The following PRPSAP2 variants were observed in gnomAD, a reference collection of about 807,000 sequenced individuals.
PRPSAP2 encodes phosphoribosyl pyrophosphate synthetase associated protein 2, also known as phosphoribosyl pyrophosphate synthase-associated protein 2.
Under a neutral mutation model 40.6 loss-of-function variants are expected in PRPSAP2, and 24 were observed. That is an observed-to-expected ratio of 0.59 (90% CI 0.43 to 0.83). The LOEUF (loss-of-function observed/expected upper bound fraction) is 0.83. Ranked by LOEUF, PRPSAP2 falls within the 40% of genes least tolerant of loss-of-function variation. The pLI is 0.00. For synonymous variants in PRPSAP2, 149 were observed against 164.7 expected (o/e 0.90, Z 0.73); for missense variants, 292 against 465.6 (o/e 0.63, Z 3.43).
chr17:18,871,717 A>G (rs1251897765), intron 4 of PRPSAP2, among the ~76,000 whole-genome samples: 2 of 148,904 alleles, frequency 1.3e-5, no homozygotes, highest in South Asian at 4.3e-4. Flanking sequence ...CTGGAGTGCA[A>G]TGGCACAATC....
chr17:18,908,537 C>T lies in PRPSAP2; in HGVS notation c.585-2566C>T, dbSNP rs1387012505. Reference sequence around the variant, plus strand: ...GAAAGGGACCATCTGCCTCCTCATGCGGAGGGACAAGACCCTGAAGATCTG... The same window carrying T: ...GAAAGGGACCATCTGCCTCCTCATGTGGAGGGACAAGACCCTGAAGATCTG... On this transcript the variant is annotated intron_variant, in intron 8 of 11. Transcript: ENST00000268835. The T allele has an allele frequency of 7.2e-5, 54 of 750,482 alleles. 1 individual carries two copies. The highest frequency in any genetic ancestry group is 1.5e-4 in the South Asian group (11 of 70,974). 46.5% of individuals were successfully genotyped at this position (750,482 alleles called of 1,614,324 possible). A position where few individuals can be genotyped will look rare whatever the true frequency, so the allele number is the denominator to read the frequency against.
chr17:18,930,438 G>A, intron 11 of PRPSAP2, 102 bp from the exon 12 acceptor site: 1 of 1,124,996 alleles, frequency 8.9e-7, no homozygotes, highest in Admixed American at 2.3e-5. Flanking sequence ...GTGTTTTCCT[G>A]TCGTGGCAAG....
chr17:18,909,565 GT>G (rs1567731453), intron 8 of PRPSAP2, among the ~76,000 whole-genome samples: 1 of 151,898 alleles, frequency 6.6e-6, no homozygotes, highest in Admixed American at 6.6e-5. Context: ...TTTATAAAGA[GT>G]TAAATATACA....
At chr17:18,869,676 ATT>A (rs35312271) in intron 4 of PRPSAP2, among the ~76,000 whole-genome samples, 8 of 138,034 alleles carry the variant, frequency 5.8e-5, no homozygotes, top group Non-Finnish European at 7.9e-5. Flanking sequence ...CCCAGCCATA[ATT>A]TTTTTTTTTT....
chr17:18,876,404 CTT>C (rs1383015684), intron 5 of PRPSAP2, among the ~76,000 whole-genome samples: 2 of 152,164 alleles, frequency 1.3e-5, no homozygotes, highest in Non-Finnish European at 1.5e-5. Context: ...GTGAAAGTCT[CTT>C]TTAACTCATC....
rs540438519 is a variant in PRPSAP2 at position 18,862,362 on chromosome 17, C to T, written c.-128-3107C>T. Among the ~76,000 whole-genome samples, 11 of 152,252 alleles carry T rather than the reference C, an allele frequency of 7.2e-5. No individual in the cohort carries two copies. The East Asian group carries it at 1.7e-3, about 24-fold the overall frequency. On this transcript the variant is annotated intron_variant, in intron 1 of 11. Transcript: ENST00000268835. ...AACTACCTCTAAGATCTCTTCCTAC[C>T]TCTAAAATACTTTCATTCTAAGTGT...
At chr17:18,909,922 A>G (rs1204658867) in intron 8 of PRPSAP2, among the ~76,000 whole-genome samples, 3 of 152,122 alleles carry the variant, frequency 2.0e-5, no homozygotes, top group Non-Finnish European at 1.5e-5. Context: ...GAAAGAAAGC[A>G]TGTGCCCATA....
intron 8 of PRPSAP2, chr17:18,908,770 C>T (rs1033716738): frequency 2.6e-5 from 18 of 704,856 alleles, no homozygotes; most frequent in African/African-American, 4.0e-5. Flanking sequence ...AAGAAAGGAT[C>T]GGGCAAAAAC....
chr17:18,928,545 A>G (rs1224444498), intron 10 of PRPSAP2: 1 of 439,004 alleles, frequency 2.3e-6, no homozygotes, highest in Non-Finnish European at 4.3e-6. Flanking sequence ...GGTGCAGAAA[A>G]CAGTGCTACC....
intron 8 of PRPSAP2, among the ~76,000 whole-genome samples, chr17:18,901,058 C>T (rs1454962900): frequency 6.6e-6 from 1 of 152,180 alleles, no homozygotes; most frequent in East Asian, 1.9e-4. Flanking sequence ...AGTACAGGCT[C>T]ACCCCTCAAC....
chr17:18,901,522 G>A (rs2040266753), intron 8 of PRPSAP2, among the ~76,000 whole-genome samples: 1 of 152,138 alleles, frequency 6.6e-6, no homozygotes, highest in Non-Finnish European at 1.5e-5. Flanking sequence ...TGGGACTACA[G>A]GCGTCTGCCA....
At chr17:18,891,624 T>G (rs971106997) in intron 8 of PRPSAP2, among the ~76,000 whole-genome samples, 1 of 152,242 alleles carries the variant, frequency 6.6e-6, no homozygotes, top group Non-Finnish European at 1.5e-5. Context: ...AAGTATAGAA[T>G]TCACTGGCAT....
chr17:18,916,865 C>A (rs1476903500), intron 9 of PRPSAP2, among the ~76,000 whole-genome samples: 1 of 152,192 alleles, frequency 6.6e-6, no homozygotes, highest in Non-Finnish European at 1.5e-5. Context: ...GGGCACTAAT[C>A]CTGTTCATGA....
chr17:18,883,281 A>G (rs2038891817), intron 7 of PRPSAP2, among the ~76,000 whole-genome samples: 1 of 152,120 alleles, frequency 6.6e-6, no homozygotes, highest in African/African-American at 2.4e-5. Flanking sequence ...TTTAATTTTA[A>G]TATAGCTACA....
At chr17:18,868,070 A>T (rs867591719) in intron 4 of PRPSAP2, among the ~76,000 whole-genome samples, 19 of 152,164 alleles carry the variant, frequency 1.2e-4, no homozygotes, top group Admixed American at 6.5e-4. Flanking sequence ...CAGGAGGTGG[A>T]GGCTGCAGTG....
chr17:18,893,153 CTTT>C (rs71355574), intron 8 of PRPSAP2, among the ~76,000 whole-genome samples: 51,982 of 124,470 alleles, frequency 0.42, 9,128 homozygotes, highest in Middle Eastern at 0.5. Context: ...TTCAATTTAT[CTTT>C]TTTTTTTTTT....
intron 10 of PRPSAP2, 52 bp downstream of exon 10, chr17:18,924,036 T>C: frequency 8.3e-7 from 1 of 1,198,182 alleles, no homozygotes; most frequent in Non-Finnish European, 1.2e-6. Context: ...TGTTATTCTG[T>C]TGATTGATTG....
chr17:18,892,593 CTT>C (rs950601250), intron 8 of PRPSAP2, among the ~76,000 whole-genome samples: 19 of 131,144 alleles, frequency 1.4e-4, no homozygotes, highest in Admixed American at 1.6e-4. Context: ...TGTTGAGTAT[CTT>C]TTTTTTTTTT....
intron 9 of PRPSAP2, among the ~76,000 whole-genome samples, chr17:18,923,006 C>T (rs1366885145): frequency 1.3e-5 from 2 of 151,566 alleles, no homozygotes; most frequent in Non-Finnish European, 2.9e-5. Flanking sequence ...ATACTAGACT[C>T]TTACCAGATA....
Sources: gnomAD v4.1 joint callset for allele counts (sites outside exome capture counted in the v4.1 genomes callset) on GRCh38, gnomAD v4.1.1 for gene constraint, MANE v1.5 for transcripts, NCBI Gene and HGNC (gene_info 2026-07-23, HGNC 2026-07-21) for gene names.